The following ADGB variants were observed in gnomAD, a reference collection of about 807,000 sequenced individuals.
ADGB encodes androglobin, also known as calpain-7-like protein.
A neutral mutation model predicts 210.5 loss-of-function variants in ADGB; 172 were observed. The observed-to-expected ratio is 0.82, with a 90% confidence interval of 0.72 to 0.93. The LOEUF is 0.93. Ranked by LOEUF, ADGB falls within the 40% of genes least tolerant of loss-of-function variation. The pLI is 0.00. For missense variants in ADGB, 2,025 were observed against 1,964.8 expected (o/e 1.03, Z -0.58); for synonymous variants, 658 against 662.7 (o/e 0.99, Z 0.11).
chr6:146,714,883 T>C (rs925556968), intron 13 of ADGB, among the ~76,000 whole-genome samples: 2 of 152,238 alleles, frequency 1.3e-5, no homozygotes, highest in Admixed American at 6.5e-5. Context: ...TATTTTTGTG[T>C]TCCAGAACAC....
At chr6:146,686,497 A>T (rs1294009262) in intron 10 of ADGB, among the ~76,000 whole-genome samples, 1 of 152,084 alleles carries the variant, frequency 6.6e-6, no homozygotes, top group Non-Finnish European at 1.5e-5. Context: ...TTTATGTTAC[A>T]TTTGAAAACC....
At chr6:146,734,144 C>G (rs1193994830) in intron 22 of ADGB, 114 bp downstream of exon 22, 1 of 1,033,382 alleles carries the variant, frequency 9.7e-7, no homozygotes, top group Non-Finnish European at 1.4e-6. Context: ...AATTTCAGTC[C>G]TCTAAATAAT....
rs1394306204 is a variant in ADGB at position 146,676,366 on chromosome 6, G to T, written c.1141G>T (p.Glu381Ter). 1.3e-6 allele frequency: 2 copies of T among 1,549,430 alleles called. No individual in the cohort carries two copies. The highest frequency in any genetic ancestry group is 2.0e-5 in the Admixed American group (1 of 50,764). ...GKKRSKDGEK[E>*]KFKFSLHGSR... ...GAAGAGAAGCAAAGATGGAGAAAAAGAAAAATTCAAATTCTCACTTCATGG... is the reference window on the plus strand; with the variant it reads ...GAAGAGAAGCAAAGATGGAGAAAAATAAAAATTCAAATTCTCACTTCATGG... The change falls in exon 9 of 36, where the codon GAA becomes TAA. Residue 381 changes from glutamate to a stop codon, truncating the protein, a stop_gained. Transcript: ENST00000397944. LOFTEE classifies it high-confidence loss of function.
intron 3 of ADGB, among the ~76,000 whole-genome samples, chr6:146,651,992 A>G (rs528942899): frequency 1.4e-4 from 22 of 152,298 alleles, no homozygotes; most frequent in African/African-American, 5.1e-4. Flanking sequence ...AGTTCTGATC[A>G]CAGAGTAACT....
chr6:146,744,793 C>T (rs1777206519), intron 25 of ADGB, among the ~76,000 whole-genome samples: 1 of 152,176 alleles, frequency 6.6e-6, no homozygotes, highest in African/African-American at 2.4e-5. Flanking sequence ...AATCCTATCA[C>T]TGATTTAGCT....
At chr6:146,798,816 T>C (rs1168705591) in intron 33 of ADGB, among the ~76,000 whole-genome samples, 8 of 152,066 alleles carry the variant, frequency 5.3e-5, no homozygotes, top group Admixed American at 5.2e-4. Context: ...GCATCAATAA[T>C]AAATACACGG....
intron 9 of ADGB, 109 bp downstream of exon 9, chr6:146,676,550 T>G (rs968886021): frequency 6.6e-6 from 7 of 1,053,562 alleles, no homozygotes; most frequent in Non-Finnish European, 8.7e-6. Context: ...CTAAATAAAC[T>G]TAGTCAAGGT....
intron 3 of ADGB, among the ~76,000 whole-genome samples, chr6:146,653,896 G>C (rs891359601): frequency 1.3e-5 from 2 of 151,980 alleles, no homozygotes; most frequent in Non-Finnish European, 2.9e-5. Context: ...CTGGTTGTGA[G>C]AACTGAAATC....
intron 1 of ADGB, among the ~76,000 whole-genome samples, chr6:146,615,434 T>G (rs1780783956): frequency 6.6e-6 from 1 of 152,198 alleles, no homozygotes; most frequent in Non-Finnish European, 1.5e-5. Context: ...ATCTTTGTGT[T>G]GAGAACACTC....
chr6:146,638,907 C>CAAAAAAAAAAA lies in ADGB; in HGVS notation c.237+3377_237+3387dup, dbSNP rs551186876. ...ACACAAAGTGGAGCATCACCTTCTG[C>CAAAAAAAAAAA]AAAAAAAAAAAAAAAAATGCATTTC... On this transcript the variant is annotated intron_variant, in intron 2 of 35. Transcript: ENST00000397944. 3 of 124,362 alleles carry CAAAAAAAAAAA rather than the reference C, an allele frequency of 2.4e-5. 1 individual carries two copies. Among genetic ancestry groups the CAAAAAAAAAAA allele is most frequent in the Non-Finnish European group, 3.4e-5 (2 of 58,756 alleles). 7.7% of individuals were successfully genotyped at this position (124,362 alleles called of 1,614,324 possible). A position where few individuals can be genotyped will look rare whatever the true frequency, so the allele number is the denominator to read the frequency against.
chr6:146,684,904 AG>A, intron 9 of ADGB, among the ~76,000 whole-genome samples: 2 of 152,112 alleles, frequency 1.3e-5, no homozygotes, highest in Non-Finnish European at 2.9e-5. Context: ...GAAATGTAAA[AG>A]TATGTTTCTC....
rs1042751669 is a variant in ADGB, at chr6:146,753,905, A to G, written c.3550+1191A>G. Among the ~76,000 whole-genome samples the G allele has an allele frequency of 2.3e-4, 35 of 151,882 alleles. No individual in the cohort carries two copies. The East Asian group carries it at 5.4e-3, about 23-fold the overall frequency. On this transcript the variant is annotated intron_variant, in intron 27 of 35. Coordinates refer to ENST00000397944, the MANE Select transcript of ADGB (RefSeq NM_024694.4). ...CTTTTCTAGTTCTTAAGCTAAAATT[A>G]TAATGAATACTTGAAATTAATTTGA...
intron 12 of ADGB, among the ~76,000 whole-genome samples, chr6:146,693,626 C>T (rs934409135): frequency 6.6e-6 from 1 of 152,190 alleles, no homozygotes; most frequent in Non-Finnish European, 1.5e-5. Context: ...GTGGTTTCCA[C>T]ATCTTCCTTG....
chr6:146,708,867 C>T (rs1217222139), intron 13 of ADGB, among the ~76,000 whole-genome samples: 1 of 152,066 alleles, frequency 6.6e-6, no homozygotes, highest in Non-Finnish European at 1.5e-5. Flanking sequence ...TTGATATTGC[C>T]CCATAAACTG....
rs1777810122 is a variant in ADGB, at chr6:146,782,119, G to A, written c.3962G>A (p.Arg1321Lys). The change falls in exon 30 of 36, where the codon AGG becomes AAG. Residue 1321 changes from arginine to lysine, a missense_variant. By Grantham distance (26) the Arg-to-Lys change is conservative. Transcript: ENST00000397944. Reference protein sequence around the residue: ...QKSSVTSKTTRKGKEKSSEKE... With the variant: ...QKSSVTSKTTKKGKEKSSEKE... ...TCTTCAGTAACTTCCAAAACAACAA[G>A]GAAAGGCAAAGAAAAGTCTTCTGAG... 1 of 1,547,648 alleles carries A rather than the reference G, an allele frequency of 6.5e-7. No homozygotes were observed. Among genetic ancestry groups the A allele is most frequent in the Admixed American group, 2.0e-5 (1 of 50,408 alleles).
At chr6:146,706,845 G>GTTTT (rs34520729) in intron 13 of ADGB, among the ~76,000 whole-genome samples, 3,079 of 100,426 alleles carry the variant, frequency 0.031, 190 homozygotes, top group African/African-American at 0.12. Flanking sequence ...TCAGCTTAGT[G>GTTTT]TTTTTTTTTT....
intron 5 of ADGB, among the ~76,000 whole-genome samples, chr6:146,657,607 C>A (rs1175550030): frequency 6.6e-6 from 1 of 152,194 alleles, no homozygotes; most frequent in Non-Finnish European, 1.5e-5. Flanking sequence ...CCTCTGCACT[C>A]TCATGCTGAG....
chr6:146,607,642 A>G (rs1263159677), intron 1 of ADGB, among the ~76,000 whole-genome samples: 1 of 152,178 alleles, frequency 6.6e-6, no homozygotes, highest in African/African-American at 2.4e-5. Context: ...TAGTATATTG[A>G]GATGATCATG....
intron 5 of ADGB, among the ~76,000 whole-genome samples, chr6:146,657,293 C>G (rs1002910462): frequency 2.0e-5 from 3 of 147,954 alleles, no homozygotes; most frequent in Non-Finnish European, 3.0e-5. Flanking sequence ...CCATTGCACT[C>G]CAGCCTGGGC....
Sources: gnomAD v4.1 joint callset for allele counts (sites outside exome capture counted in the v4.1 genomes callset) on GRCh38, gnomAD v4.1.1 for gene constraint, MANE v1.5 for transcripts, NCBI Gene and HGNC (gene_info 2026-07-23, HGNC 2026-07-21) for gene names.